Variants in KCTD16 observed in about 807,000 individuals in gnomAD.
KCTD16 encodes the protein potassium channel tetramerization domain containing 16, also known as BTB/POZ domain-containing protein KCTD16.
Under a neutral mutation model 33.2 loss-of-function variants are expected in KCTD16, and 13 were observed. The ratio of observed to expected loss-of-function variants is 0.39; its 90% CI spans 0.25 to 0.62. KCTD16 has a LOEUF of 0.62. KCTD16 is among the 20% of genes least tolerant of loss of function. The pLI is 0.50. For missense variants in KCTD16, 441 were observed against 525.1 expected (o/e 0.84, Z 1.57); for synonymous variants, 197 against 195.3 (o/e 1.01, Z -0.07).
intron 3 of KCTD16, among the ~76,000 whole-genome samples, chr5:144,308,829 G>A (rs749990417): frequency 6.7e-6 from 1 of 148,956 alleles, no homozygotes; most frequent in Non-Finnish European, 1.5e-5. Context: ...AGGACAAAGT[G>A]TGATGGCTTC....
intron 3 of KCTD16, among the ~76,000 whole-genome samples, chr5:144,325,441 G>A (rs138562367): frequency 1.3e-5 from 2 of 152,164 alleles, no homozygotes; most frequent in East Asian, 3.9e-4. Context: ...GGCCTTTCAT[G>A]CTCTCTGCTT....
intron 3 of KCTD16, among the ~76,000 whole-genome samples, chr5:144,422,729 G>C (rs1753238349): frequency 6.6e-6 from 1 of 152,164 alleles, no homozygotes; most frequent in Non-Finnish European, 1.5e-5. Flanking sequence ...ATGGGATTCT[G>C]TAGAAGAATA....
intron 3 of KCTD16, among the ~76,000 whole-genome samples, chr5:144,409,949 T>C (rs950850426): frequency 3.9e-5 from 6 of 152,200 alleles, no homozygotes; most frequent in African/African-American, 1.4e-4. Context: ...TGAGATGCCA[T>C]AGAGACTTCC....
chr5:144,336,552 A>G (rs1253787251), intron 3 of KCTD16, among the ~76,000 whole-genome samples: 1 of 152,160 alleles, frequency 6.6e-6, no homozygotes, highest in Non-Finnish European at 1.5e-5. Flanking sequence ...ATGGCCTGTG[A>G]TCATCAATGC....
At chr5:144,291,033 T>C (rs893862398) in intron 3 of KCTD16, among the ~76,000 whole-genome samples, 2 of 152,180 alleles carry the variant, frequency 1.3e-5, no homozygotes, top group East Asian at 1.9e-4. Flanking sequence ...ATGGTGACCA[T>C]ATGAATTTGG....
intron 3 of KCTD16, among the ~76,000 whole-genome samples, chr5:144,239,676 A>G (rs776134184): frequency 3.9e-5 from 6 of 152,180 alleles, no homozygotes; most frequent in Non-Finnish European, 8.8e-5. Flanking sequence ...TAAGGAAAAT[A>G]TAAAAAGAAA....
chr5:144,221,132 A>G (rs557636431), intron 3 of KCTD16, among the ~76,000 whole-genome samples: 26 of 152,310 alleles, frequency 1.7e-4, no homozygotes, highest in African/African-American at 6.0e-4. Context: ...TGAGTAGCAA[A>G]TAATACCACA....
intron 3 of KCTD16, among the ~76,000 whole-genome samples, chr5:144,293,351 C>T (rs1234944637): frequency 1.3e-5 from 2 of 152,178 alleles, no homozygotes; most frequent in African/African-American, 4.8e-5. Flanking sequence ...GTTTAAGGAA[C>T]CTTCCAGATG....
intron 3 of KCTD16, among the ~76,000 whole-genome samples, chr5:144,314,086 A>G (rs1343788724): frequency 2.0e-5 from 3 of 152,170 alleles, no homozygotes; most frequent in Admixed American, 6.5e-5. Flanking sequence ...ATTTACAAGA[A>G]TCACACAACA....
rs987373474 is a variant in KCTD16, at chr5:144,298,091, C to T, written c.832+90545C>T. Among the ~76,000 whole-genome samples the T allele has an allele frequency of 5.3e-5, 8 of 152,286 alleles. No individual in the cohort carries two copies. The East Asian group carries it at 9.7e-4, about 18-fold the overall frequency. ...GCCATTGTTCCTGCATGGCTAAGTG[C>T]CCGGGTTCATCCTAATCGAGCTGAA... is the stretch of plus-strand genomic sequence containing the variant. On this transcript the variant is annotated intron_variant, in intron 3 of 3. Transcript: ENST00000512467.
chr5:144,316,932 A>G (rs1414856130), intron 3 of KCTD16, among the ~76,000 whole-genome samples: 1 of 146,464 alleles, frequency 6.8e-6, no homozygotes, highest in Non-Finnish European at 1.5e-5. Flanking sequence ...AGTTCAAGTG[A>G]TTCTCCTGTC....
At chr5:144,180,498 C>CA (rs1752600842) in intron 2 of KCTD16, among the ~76,000 whole-genome samples, 1 of 152,140 alleles carries the variant, frequency 6.6e-6, no homozygotes, top group Non-Finnish European at 1.5e-5. Flanking sequence ...ACAAAAATCT[C>CA]AAAACTTGGT....
intron 3 of KCTD16, among the ~76,000 whole-genome samples, chr5:144,419,607 G>A (rs1753163513): frequency 6.6e-6 from 1 of 152,108 alleles, no homozygotes; most frequent in South Asian, 2.1e-4. Flanking sequence ...ATTTCCAGCT[G>A]TTACTCATGG....
intron 3 of KCTD16, among the ~76,000 whole-genome samples, chr5:144,307,566 T>A (rs17101764): frequency 0.12 from 18,263 of 152,206 alleles, 2,864 homozygotes; most frequent in African/African-American, 0.36. Context: ...TAAGGCTTGG[T>A]GGTTAAATAA....
chr5:144,358,546 G>A (rs1258527651), intron 3 of KCTD16, among the ~76,000 whole-genome samples: 3 of 152,216 alleles, frequency 2.0e-5, no homozygotes, highest in East Asian at 1.9e-4. Context: ...TCCTGGGGCA[G>A]AAGGTACACT....
intron 3 of KCTD16, among the ~76,000 whole-genome samples, chr5:144,449,810 A>G (rs1753900924): frequency 6.6e-6 from 1 of 152,024 alleles, no homozygotes; most frequent in Admixed American, 6.6e-5. Flanking sequence ...CTTAAAGTGG[A>G]CTATACTTAA....
At chr5:144,242,914 G>A (rs73794914) in intron 3 of KCTD16, among the ~76,000 whole-genome samples, 5,359 of 152,214 alleles carry the variant, frequency 0.035, 271 homozygotes, top group African/African-American at 0.11. Flanking sequence ...GGGATCAAAC[G>A]TGAGGTTTGG....
chr5:144,376,215 T>C (rs917564263), intron 3 of KCTD16, among the ~76,000 whole-genome samples: 14 of 152,208 alleles, frequency 9.2e-5, no homozygotes, highest in African/African-American at 3.4e-4. Context: ...TTTCTTTTCG[T>C]TTATGATTTA....
At chr5:144,324,053 CT>C (rs1161550604) in intron 3 of KCTD16, among the ~76,000 whole-genome samples, 2 of 152,112 alleles carry the variant, frequency 1.3e-5, no homozygotes, top group East Asian at 3.9e-4. Flanking sequence ...TTCTGTGTGC[CT>C]TTTGTTTTTC....
Sources: allele counts gnomAD v4.1 joint callset (sites outside exome capture counted in the v4.1 genomes callset), GRCh38; gene constraint gnomAD v4.1.1; transcripts MANE v1.5; gene names NCBI Gene and HGNC (gene_info 2026-07-23, HGNC 2026-07-21).